The following ANKDD1A variants were observed in gnomAD, a reference collection of about 807,000 sequenced individuals.
ANKDD1A encodes the protein ankyrin repeat and death domain containing 1A.
Under a neutral mutation model 63.5 loss-of-function variants are expected in ANKDD1A, and 59 were observed. That is an observed-to-expected ratio of 0.93 (90% confidence interval 0.75 to 1.15). The LOEUF (loss-of-function observed/expected upper bound fraction) is 1.15, where lower values mean the gene tolerates loss of function less well. ANKDD1A is among the 50% of genes most tolerant of loss of function. The probability of loss-of-function intolerance (pLI) is 0.00; values close to 1 mark genes in which losing one functional copy is unlikely to be tolerated. For missense variants in ANKDD1A, 632 were observed against 656.4 expected (o/e 0.96, Z 0.41); for synonymous variants, 266 against 263.9 (o/e 1.01, Z -0.08).
intron 3 of ANKDD1A, among the ~76,000 whole-genome samples, chr15:64,918,383 A>G (rs993940040): frequency 9.2e-5 from 14 of 152,192 alleles, no homozygotes; most frequent in Non-Finnish European, 1.6e-4. Flanking sequence ...CTTGATTACT[A>G]GTTGGGGTTG....
intron 4 of ANKDD1A, chr15:64,922,333 T>C (rs961778335): frequency 5.0e-5 from 17 of 342,212 alleles, no homozygotes; most frequent in African/African-American, 3.6e-4. Context: ...CCCCTTGTGC[T>C]CAGTGCGGTG....
At chr15:64,934,666 A>ATTTTT (rs557531003) in intron 9 of ANKDD1A, among the ~76,000 whole-genome samples, 5 of 119,886 alleles carry the variant, frequency 4.2e-5, no homozygotes, top group Non-Finnish European at 5.2e-5. Flanking sequence ...TGCCCAGCTA[A>ATTTTT]TTTTTTTTTT....
intron 14 of ANKDD1A, among the ~76,000 whole-genome samples, chr15:64,952,513 CT>C (rs2085310372): frequency 3.5e-5 from 1 of 28,774 alleles, no homozygotes; most frequent in East Asian, 1.1e-3. Flanking sequence ...CTTCTTCTTA[CT>C]TTCTTCTTCC....
chr15:64,951,720 C>CTTTCTTCCTTTCTTTTCTTTCTTT (rs1276132353), intron 14 of ANKDD1A, among the ~76,000 whole-genome samples: 1 of 136,250 alleles, frequency 7.3e-6, no homozygotes, highest in African/African-American at 2.7e-5. Flanking sequence ...TCTTTTTCTT[C>CTTTCTTCCTTTCTTTTCTTTCTTT]CCTTTTCTTC....
At chr15:64,943,833 C>T (rs2085203970) in intron 11 of ANKDD1A, 2 of 515,848 alleles carry the variant, frequency 3.9e-6, no homozygotes, top group South Asian at 2.3e-5. Flanking sequence ...ATTGCTTTCT[C>T]CTTTATGGCC....
intron 14 of ANKDD1A, among the ~76,000 whole-genome samples, chr15:64,953,604 T>TCTCC (rs2085349077): frequency 7.3e-4 from 52 of 71,004 alleles, no homozygotes; most frequent in Non-Finnish European, 1.4e-3. Flanking sequence ...CCTTTTCTTC[T>TCTCC]TTCTTCTCTC....
intron 8 of ANKDD1A, among the ~76,000 whole-genome samples, chr15:64,933,388 G>A (rs990500017): frequency 6.6e-6 from 1 of 152,192 alleles, no homozygotes; most frequent in African/African-American, 2.4e-5. Context: ...GCCAGGTTGG[G>A]CACTGACTGA....
chr15:64,949,388 G>A (rs891180335), intron 13 of ANKDD1A, among the ~76,000 whole-genome samples: 5 of 152,210 alleles, frequency 3.3e-5, no homozygotes, highest in Admixed American at 3.3e-4. Flanking sequence ...GCAGGGGAAA[G>A]CATGGCCAGC....
chr15:64,924,877 G>A (rs573218983), intron 4 of ANKDD1A, among the ~76,000 whole-genome samples: 20 of 152,302 alleles, frequency 1.3e-4, no homozygotes, highest in African/African-American at 4.8e-4. Flanking sequence ...AAGAACACAA[G>A]AGGGAAGTGT....
rs768726221 is a variant in ANKDD1A, at chr15:64,934,199, A to G, written c.832A>G (p.Ile278Val). 40 of 1,612,450 alleles carry G rather than the reference A, an allele frequency of 2.5e-5. No individual in the cohort carries two copies. The East Asian group carries it at 7.8e-4, about 31-fold the overall frequency. Reference protein sequence around the residue: ...SGSEDVSRVLIHAGGCANVVD... With the variant: ...SGSEDVSRVLVHAGGCANVVD... ...CTCGGAGGATGTGTCTCGGGTCCTC[A>G]TCCACGCAGGAGGCTGCGCCAACGT... is the stretch of plus-strand genomic sequence containing the variant. Residue 278 changes from isoleucine (I) to valine (V), a missense_variant, in exon 9 of 15, where the codon ATC (isoleucine) becomes GTC (valine). Ile to Val is a conservative substitution (Grantham distance 29, BLOSUM62 3). Coordinates refer to ENST00000319580, the MANE Select transcript of ANKDD1A (RefSeq NM_182703.6).
At chr15:64,954,930 C>T (rs28378174) in intron 14 of ANKDD1A, among the ~76,000 whole-genome samples, 20 of 147,936 alleles carry the variant, frequency 1.4e-4, no homozygotes, top group Non-Finnish European at 1.8e-4. Context: ...TCCTTCTTCT[C>T]CTTCTTCTTG....
intron 11 of ANKDD1A, 80 bp downstream of exon 11, chr15:64,943,662 C>A (rs116578617): frequency 1.6e-6 from 2 of 1,252,278 alleles, no homozygotes; most frequent in African/African-American, 1.5e-5. Context: ...AATGCCCCCT[C>A]CCTCCTCCTT....
intron 9 of ANKDD1A, among the ~76,000 whole-genome samples, chr15:64,935,204 G>C (rs1311755703): frequency 6.7e-6 from 1 of 148,252 alleles, no homozygotes; most frequent in East Asian, 2.0e-4. Context: ...CTCCAGCCTG[G>C]GCAAGAGTGA....
chr15:64,947,307 C>T, intron 12 of ANKDD1A, 97 bp from the exon 13 acceptor site: 3 of 1,288,002 alleles, frequency 2.3e-6, no homozygotes, highest in Non-Finnish European at 3.2e-6. Flanking sequence ...GGCACCCCAG[C>T]AGAGGTGGTA....
intron 1 of ANKDD1A, among the ~76,000 whole-genome samples, chr15:64,913,163 G>A (rs1016133803): frequency 1.3e-5 from 2 of 152,162 alleles, no homozygotes; most frequent in Non-Finnish European, 2.9e-5. Flanking sequence ...ATCCCCCTAA[G>A]CTGCACATAA....
At chr15:64,952,913 TCTCCTTCTTCTTA>T (rs2085325074) in intron 14 of ANKDD1A, among the ~76,000 whole-genome samples, 6 of 147,252 alleles carry the variant, frequency 4.1e-5, no homozygotes, top group Non-Finnish European at 9.0e-5. Context: ...CTTCTCTTCT[TCTCCTTCTTCTTA>T]GTTCTTCTTC....
intron 14 of ANKDD1A, 82 bp downstream of exon 14, chr15:64,950,054 C>T (rs765905055): frequency 1.6e-5 from 25 of 1,568,766 alleles, no homozygotes; most frequent in Non-Finnish European, 2.2e-5. Flanking sequence ...AAGGGCTGCT[C>T]AGACAAGAAT....
chr15:64,922,102 C>T, intron 4 of ANKDD1A, 83 bp downstream of exon 4: 1 of 1,252,120 alleles, frequency 8.0e-7, no homozygotes, highest in South Asian at 1.3e-5. Flanking sequence ...TGTCCCCCAC[C>T]CCTGCTTGCC....
At chr15:64,953,267 C>G (rs2085335701) in intron 14 of ANKDD1A, among the ~76,000 whole-genome samples, 1 of 139,504 alleles carries the variant, frequency 7.2e-6, no homozygotes, top group African/African-American at 2.7e-5. Context: ...CTTCTTAGTT[C>G]TTCCTCTTCT....
Sources: gnomAD v4.1 joint callset for allele counts (sites outside exome capture counted in the v4.1 genomes callset) on GRCh38, gnomAD v4.1.1 for gene constraint, MANE v1.5 for transcripts, NCBI Gene and HGNC (gene_info 2026-07-23, HGNC 2026-07-21) for gene names.